The following FAS variants were observed in gnomAD, a reference collection of about 807,000 sequenced individuals.
FAS encodes Fas cell surface death receptor, also known as tumor necrosis factor receptor superfamily member 6.
Under a neutral mutation model 33.2 loss-of-function variants are expected in FAS, and 5 were observed. The observed-to-expected ratio is 0.15, with a 90% CI of 0.08 to 0.32. The LOEUF is 0.32. Among genes scored for constraint, FAS ranks in the 10% least tolerant of loss-of-function variants. The pLI, the probability that FAS is intolerant of heterozygous loss-of-function variation, is 1.00. For synonymous variants in FAS, 131 were observed against 130.7 expected, an observed-to-expected ratio of 1.00 and a Z score of -0.01; for missense variants, 339 against 386.0, an observed-to-expected ratio of 0.88 and a Z score of 1.02.
At chr10:89,011,934 G>T in intron 6 of FAS, 65 bp from the exon 7 acceptor site, 3 of 1,322,032 alleles carry the variant, frequency 2.3e-6, no homozygotes, top group Non-Finnish European at 3.3e-6. Context: ...TAGTGTGAAA[G>T]TATGTTCTCA....
At chr10:88,969,067 G>A (rs902880587) in intron 1 of FAS, among the ~76,000 whole-genome samples, 1 of 151,970 alleles carries the variant, frequency 6.6e-6, no homozygotes, top group African/African-American at 2.4e-5. Flanking sequence ...CTGTTATCTG[G>A]GTTGTATTAC....
intron 1 of FAS, among the ~76,000 whole-genome samples, chr10:88,999,172 T>TAAAAAA (rs1305255295): frequency 8.3e-5 from 12 of 143,972 alleles, no homozygotes; most frequent in Non-Finnish European, 1.4e-4. Flanking sequence ...AATAAATAAA[T>TAAAAAA]AAAATAAAAT....
chr10:88,978,857 T>C (rs1203610632), intron 2 of FAS, among the ~76,000 whole-genome samples: 5 of 152,062 alleles, frequency 3.3e-5, no homozygotes, highest in Admixed American at 2.0e-4. Flanking sequence ...CAACCTTCCT[T>C]ATTCTTTCTG....
intron 1 of FAS, among the ~76,000 whole-genome samples, chr10:88,966,365 T>C (rs1359989422): frequency 6.6e-6 from 1 of 152,182 alleles, no homozygotes; most frequent in Non-Finnish European, 1.5e-5. Flanking sequence ...TGCATTCTAT[T>C]TTAGGCCCTG....
At chr10:88,970,337 G>A (rs1846405394) in intron 1 of FAS, among the ~76,000 whole-genome samples, 1 of 152,004 alleles carries the variant, frequency 6.6e-6, no homozygotes, top group African/African-American at 2.4e-5. Flanking sequence ...TGACCTGATT[G>A]TCTGTCCTCT....
intron 1 of FAS, among the ~76,000 whole-genome samples, chr10:88,999,857 T>C (rs996781052): frequency 6.6e-6 from 1 of 152,206 alleles, no homozygotes. Context: ...ATAAAGTACA[T>C]TTCCATGGTA....
chr10:88,970,349 C>T (rs1209870257), intron 1 of FAS, among the ~76,000 whole-genome samples: 1 of 152,148 alleles, frequency 6.6e-6, no homozygotes. Context: ...CTGTCCTCTT[C>T]GCTGAGTTCC....
chr10:88,974,140 CT>C (rs1201192682), intron 2 of FAS: 1 of 151,930 alleles, frequency 6.6e-6, no homozygotes. Context: ...GTCTCCAGAG[CT>C]TTAAATTCTT....
In FAS at chr10:89,008,966, A is replaced by G. The variant is rs1430810569; in HGVS notation, c.412A>G (p.Thr138Ala). The change falls in exon 4 of 9, where the codon ACT (threonine) becomes GCT (alanine). Residue 138 changes from threonine to alanine, a missense_variant. This residue lies in a region of FAS where 276 missense variants were observed against 300.1 expected (regional missense o/e 0.92). Coordinates refer to ENST00000652046, the MANE Select transcript of FAS (RefSeq NM_000043.6). ...TAAACCAAACTTTTTTTGTAACTCT[A>G]CTGTATGTGAACACTGTGACCCTTG... is the stretch of plus-strand genomic sequence containing the variant. ...RCKPNFFCNS[T>A]VCEHCDPCTK... The G allele has an allele frequency of 9.9e-6, 16 of 1,613,860 alleles. No homozygotes were observed. Among genetic ancestry groups the G allele is most frequent in the Non-Finnish European group, 1.2e-5 (14 of 1,179,840 alleles).
intron 2 of FAS, among the ~76,000 whole-genome samples, chr10:88,975,361 G>C (rs1310100896): frequency 6.6e-6 from 1 of 152,214 alleles, no homozygotes; most frequent in African/African-American, 2.4e-5. Context: ...AGAAAAATTA[G>C]TTGAGAAGGA....
At chr10:88,990,649 G>A (rs1475141354), upstream of FAS, 1 of 697,568 alleles carries the variant, frequency 1.4e-6, no homozygotes, top group African/African-American at 1.8e-5. This position sits in a 1 kb window ranked among gnomAD's most constrained non-coding sequence, Gnocchi z 4.9. Flanking sequence ...GCTCGTCTCT[G>A]ATCTCGCGCA....
intron 1 of FAS, among the ~76,000 whole-genome samples, chr10:88,998,177 C>T (rs1589454129): frequency 6.6e-6 from 1 of 152,166 alleles, no homozygotes; most frequent in East Asian, 1.9e-4. Context: ...CTGGTTCCTT[C>T]TGAGGACCAC....
At chr10:88,964,103 C>A (rs1464804814) in intron 1 of FAS, among the ~76,000 whole-genome samples, 1 of 150,960 alleles carries the variant, frequency 6.6e-6, no homozygotes, top group Non-Finnish European at 1.5e-5. Context: ...TTTTAGTTTA[C>A]TTTAGTTTCA....
chr10:89,009,756 CTG>C, intron 4 of FAS, among the ~76,000 whole-genome samples: 3 of 152,322 alleles, frequency 2.0e-5, no homozygotes, highest in Admixed American at 2.0e-4. Flanking sequence ...CCACAAGTGT[CTG>C]AGAGTGCCCC....
chr10:89,000,292 C>T (rs1022635670), intron 1 of FAS, among the ~76,000 whole-genome samples: 1 of 152,156 alleles, frequency 6.6e-6, no homozygotes, highest in South Asian at 2.1e-4. Flanking sequence ...GAATTTTTTC[C>T]ACCTTTCAAA....
intron 1 of FAS, among the ~76,000 whole-genome samples, chr10:88,991,865 A>C (rs184611732): frequency 1.1e-4 from 17 of 152,304 alleles, no homozygotes; most frequent in African/African-American, 3.9e-4. Context: ...AATCAAAGAG[A>C]CGTGGATCCA....
chr10:88,971,496 G>C (rs1298612292), intron 1 of FAS, among the ~76,000 whole-genome samples: 1 of 152,228 alleles, frequency 6.6e-6, no homozygotes, highest in Non-Finnish European at 1.5e-5. Context: ...ATGAGTGGCA[G>C]ACATATTTCC....
At chr10:88,993,203 TA>T (rs1344147168) in intron 1 of FAS, among the ~76,000 whole-genome samples, 1 of 152,066 alleles carries the variant, frequency 6.6e-6, no homozygotes, top group Non-Finnish European at 1.5e-5. Context: ...ACACTTACAA[TA>T]AAAAAGTTTG....
intron 6 of FAS, among the ~76,000 whole-genome samples, chr10:89,011,304 G>C (rs1848517205): frequency 6.6e-6 from 1 of 152,182 alleles, no homozygotes; most frequent in South Asian, 2.1e-4. Flanking sequence ...ACTTAGTAGA[G>C]TCAGTAGAAA....
Sources: allele counts gnomAD v4.1 joint callset (sites outside exome capture counted in the v4.1 genomes callset), GRCh38; gene constraint gnomAD v4.1.1; regional missense constraint gnomAD v4.1.1; non-coding constraint Gnocchi (gnomAD v3.1); transcripts MANE v1.5; gene names NCBI Gene and HGNC (gene_info 2026-07-23, HGNC 2026-07-21).